DAAM2: variants seen among roughly 807,000 people sequenced by gnomAD.
DAAM2 encodes the protein dishevelled associated activator of morphogenesis 2.
DAAM2 carries 39 observed loss-of-function variants against 120.7 expected under a neutral mutation model. The ratio of observed to expected loss-of-function variants is 0.32; its 90% confidence interval spans 0.25 to 0.42. The LOEUF (loss-of-function observed/expected upper bound fraction) is 0.42, where lower values mean the gene tolerates loss of function less well. Ranked by LOEUF, DAAM2 falls within the 10% of genes least tolerant of loss-of-function variation. The pLI is 1.00. For synonymous variants in DAAM2, 488 were observed against 524.9 expected (o/e 0.93, Z 0.96); for missense variants, 1,283 against 1,401.7 (o/e 0.92, Z 1.35).
intron 1 of DAAM2, among the ~76,000 whole-genome samples, chr6:39,796,297 G>A (rs1158542726): frequency 6.6e-6 from 1 of 152,092 alleles, no homozygotes; most frequent in Non-Finnish European, 1.5e-5. Context: ...TTTTGTTCAA[G>A]CTCTCTCTTT....
Position 39,878,285 on chromosome 6 carries a change from C to T in DAAM2, c.1360+24C>T, listed in dbSNP as rs547062634. The T allele has an allele frequency of 6.1e-4, 980 of 1,613,536 alleles. 16 individuals are homozygous for T. The South Asian group carries it at 9.5e-3, about 16-fold the overall frequency. On this transcript the variant is annotated intron_variant, in intron 12 of 24. Transcript: ENST00000274867. This position sits in a 1 kb window ranked among gnomAD's most constrained non-coding sequence, Gnocchi z 5.0. ...AGGTGAGGGGCTCTGCTTAAGCCTG[C>T]TGTCCACTCCACATGCCCTTCCCCT... is the stretch of plus-strand genomic sequence containing the variant.
chr6:39,810,065 A>G (rs1319401021), intron 1 of DAAM2, among the ~76,000 whole-genome samples: 1 of 152,224 alleles, frequency 6.6e-6, no homozygotes, highest in Non-Finnish European at 1.5e-5. Context: ...GAAAATGACA[A>G]TGCATAAAAA....
At chr6:39,898,791 G>A in intron 21 of DAAM2, 86 bp from the exon 22 acceptor site, 3 of 1,167,640 alleles carry the variant, frequency 2.6e-6, no homozygotes, top group African/African-American at 1.5e-5. Flanking sequence ...CACTGTGCTT[G>A]GCTCTGCCCT....
intron 1 of DAAM2, among the ~76,000 whole-genome samples, chr6:39,854,380 G>A (rs1763922321): frequency 6.6e-6 from 1 of 152,176 alleles, no homozygotes; most frequent in African/African-American, 2.4e-5. Flanking sequence ...AGGAGACACA[G>A]CTCCTGCCCT....
rs1766161781 is a variant in DAAM2, at chr6:39,897,211, G to A, written c.2547G>A (p.Leu849=). The stretch of plus-strand genomic sequence containing the variant: ...TGCTCCATTACCTGATCATGATCCT[G>A]GAGAAGCATTTTCCTGATATTCTAA... ...ISLLHYLIMI[L]EKHFPDILNM... Residue 849 remains leucine, a synonymous_variant, in exon 21 of 25, where the codon CTG becomes CTA. Transcript: ENST00000274867. 2 of 1,613,740 alleles carry A rather than the reference G, an allele frequency of 1.2e-6. No individual in the cohort carries two copies. Among genetic ancestry groups the A allele is most frequent in the Non-Finnish European group, 1.7e-6 (2 of 1,179,716 alleles).
intron 1 of DAAM2, chr6:39,819,615 T>C (rs1762420640): frequency 6.6e-6 from 1 of 152,226 alleles, no homozygotes; most frequent in Non-Finnish European, 1.5e-5. Flanking sequence ...GCATACAATG[T>C]GATGCTACCT....
intron 14 of DAAM2, among the ~76,000 whole-genome samples, chr6:39,883,274 G>C (rs1395605932): frequency 6.6e-6 from 1 of 151,738 alleles, no homozygotes; most frequent in Non-Finnish European, 1.5e-5. Context: ...CCTAAATGGA[G>C]AGACCTTGGA....
At chr6:39,851,580 T>C (rs1417996347) in intron 1 of DAAM2, among the ~76,000 whole-genome samples, 1 of 152,164 alleles carries the variant, frequency 6.6e-6, no homozygotes, top group Non-Finnish European at 1.5e-5. Context: ...TAAAAGCTGG[T>C]GTGTGCAGTG....
rs544021478 is a variant in DAAM2, at chr6:39,860,551, C to G, written c.169-377C>G. On this transcript the variant is annotated intron_variant, in intron 2 of 24. Coordinates refer to ENST00000274867, the MANE Select transcript of DAAM2 (RefSeq NM_001201427.2). ...GTTAGGCTTTGTATTATGGTGTCCACAAGCTTAAGAATGACAAGGGATGGA... is the reference window on the plus strand; with the variant it reads ...GTTAGGCTTTGTATTATGGTGTCCAGAAGCTTAAGAATGACAAGGGATGGA... Among the ~76,000 whole-genome samples, 6 of 152,264 alleles carry G rather than the reference C, an allele frequency of 3.9e-5. No individual in the cohort carries two copies. In the South Asian group the frequency reaches 1.2e-3, roughly 32 times the overall value.
At chr6:39,844,989 C>T (rs1240646887) in intron 1 of DAAM2, among the ~76,000 whole-genome samples, 1 of 144,624 alleles carries the variant, frequency 6.9e-6, no homozygotes, top group Non-Finnish European at 1.5e-5. Context: ...CCATCACACA[C>T]ACTACACACA....
chr6:39,832,217 G>A (rs563646097), intron 1 of DAAM2, among the ~76,000 whole-genome samples: 2 of 152,092 alleles, frequency 1.3e-5, no homozygotes, highest in East Asian at 1.9e-4. Context: ...GGGTGAAAGT[G>A]GGGCTTGACT....
In DAAM2 at chr6:39,901,914, G is replaced by C. The variant is rs773772935; in HGVS notation, c.3084G>C (p.Ser1028=). 1.1e-5 allele frequency: 17 copies of C among 1,608,402 alleles called. No individual in the cohort carries two copies. The highest frequency in any genetic ancestry group is 1.6e-4 in the Middle Eastern group (1 of 6,062). ...EEGGEFDDLV[S]ALRSGEVFDK... The stretch of plus-strand genomic sequence containing the variant: ...GAGGAGAGTTCGATGACCTGGTGTC[G>C]GCCCTGCGCTCTGGGGAGGTCTTCG... Residue 1028 remains serine, a synonymous_variant, in exon 25 of 25, where the codon TCG becomes TCC. Coordinates refer to ENST00000274867, the MANE Select transcript of DAAM2 (RefSeq NM_001201427.2). This position sits in a 1 kb window ranked among gnomAD's most constrained non-coding sequence, Gnocchi z 4.5.
At position 39,894,030 on chromosome 6, in the gene DAAM2, ATTC is replaced by A. The variant is rs143524237; in HGVS notation, c.2341+2314_2341+2316del. Reference sequence around the variant, plus strand: ...TCATGAACTTACAATTCTTGAATATATTCTTCTTATGAATATATTGCTGAATAT... The same window carrying A: ...TCATGAACTTACAATTCTTGAATATATTCTTATGAATATATTGCTGAATAT... On this transcript the variant is annotated intron_variant, in intron 19 of 24. Transcript: ENST00000274867. Among the ~76,000 whole-genome samples, 1,364 of 152,334 alleles carry A rather than the reference ATTC, an allele frequency of 9.0e-3. 16 individuals are homozygous for A. Among genetic ancestry groups the A allele is most frequent in the African/African-American group, 0.029 (1,221 of 41,580 alleles).
chr6:39,890,132 A>AG (rs1314366863), intron 17 of DAAM2, among the ~76,000 whole-genome samples: 2 of 151,958 alleles, frequency 1.3e-5, no homozygotes, highest in Admixed American at 1.3e-4. Context: ...CATCAAAAAA[A>AG]AAGAAAAAAA....
In DAAM2 at chr6:39,887,260, G is replaced by A. The variant is rs1208408918; in HGVS notation, c.1954-226G>A. 1.2e-4 allele frequency: 55 copies of A among 473,400 alleles called. No individual in the cohort carries two copies. The East Asian group carries it at 2.0e-3, about 17-fold the overall frequency. 29.3% of individuals were successfully genotyped at this position (473,400 alleles called of 1,614,324 possible). A position where few individuals can be genotyped will look rare whatever the true frequency, so the allele number is the denominator to read the frequency against. On this transcript the variant is annotated intron_variant, in intron 15 of 24. Coordinates refer to ENST00000274867, the MANE Select transcript of DAAM2 (RefSeq NM_001201427.2). ...AAAAATAAAAAAAATAGGAAGGGGG[G>A]CTTCTCGGTGTCCTTCCCCAACCCA...
intron 11 of DAAM2, among the ~76,000 whole-genome samples, chr6:39,875,845 T>A (rs1386437531): frequency 6.6e-6 from 1 of 152,172 alleles, no homozygotes; most frequent in East Asian, 1.9e-4. Flanking sequence ...CTTGGATAGA[T>A]GGGGAATTTA....
intron 15 of DAAM2, 127 bp downstream of exon 15, chr6:39,884,196 C>G (rs1452675510): frequency 1.6e-6 from 1 of 616,798 alleles, no homozygotes; most frequent in East Asian, 2.7e-5. Flanking sequence ...CCATCTTCCC[C>G]TTCCCTTCCT....
At chr6:39,899,947 T>C (rs1766369049) in intron 22 of DAAM2, 130 bp from the exon 23 acceptor site, 1 of 1,046,302 alleles carries the variant, frequency 9.6e-7, no homozygotes, top group Non-Finnish European at 1.4e-6. Flanking sequence ...CCTTAGAACT[T>C]TGAGATGCAG....
chr6:39,845,590 T>C (rs1432831281), intron 1 of DAAM2, among the ~76,000 whole-genome samples: 1 of 151,720 alleles, frequency 6.6e-6, no homozygotes, highest in Non-Finnish European at 1.5e-5. Context: ...CACACACACA[T>C]ACCACTCCCC....
Sources: allele counts gnomAD v4.1 joint callset (sites outside exome capture counted in the v4.1 genomes callset), GRCh38; gene constraint gnomAD v4.1.1; non-coding constraint Gnocchi (gnomAD v3.1); transcripts MANE v1.5; gene names NCBI Gene and HGNC (gene_info 2026-07-23, HGNC 2026-07-21).